Variants in ANKRD31 observed in about 807,000 individuals in gnomAD.
The protein encoded by ANKRD31 is ankyrin repeat domain 31, also known as ankyrin repeat domain-containing protein 31.
A neutral mutation model predicts 186.0 loss-of-function variants in ANKRD31; 147 were observed. That is an observed-to-expected ratio of 0.79 (90% CI 0.69 to 0.91). The LOEUF is 0.91. ANKRD31 is among the 40% of genes least tolerant of loss of function. The probability of loss-of-function intolerance (pLI) is 0.00; values close to 1 mark genes in which losing one functional copy is unlikely to be tolerated. For synonymous variants in ANKRD31, 673 were observed against 736.4 expected, an observed-to-expected ratio of 0.91 and a Z score of 1.39; for missense variants, 1,986 against 2,148.8, an observed-to-expected ratio of 0.92 and a Z score of 1.50.
chr5:75,224,768 A>C (rs1455616362), intron 2 of ANKRD31, among the ~76,000 whole-genome samples: 5 of 152,186 alleles, frequency 3.3e-5, no homozygotes, highest in Non-Finnish European at 7.4e-5. Context: ...AAGAAACCCT[A>C]AAAGAGAAGA....
chr5:75,210,236 T>A, intron 4 of ANKRD31, among the ~76,000 whole-genome samples: 1 of 152,164 alleles, frequency 6.6e-6, no homozygotes. Flanking sequence ...TGCAGTGGCA[T>A]GATCTCAGCT....
intron 12 of ANKRD31, 47 bp from the exon 13 acceptor site, chr5:75,148,675 G>A (rs1257373899): frequency 2.8e-6 from 4 of 1,421,020 alleles, no homozygotes; most frequent in Non-Finnish European, 3.8e-6. Context: ...CTAGTGTTTA[G>A]ACTTTAGACT....
Position 75,091,346 on chromosome 5 carries a change from C to A in ANKRD31, c.5387G>T (p.Gly1796Val). ...GGTGACTGGGTTTTTATAAATCTGA[C>A]CACTTTCTACCTTAAGTTTACCATT... is the stretch of plus-strand genomic sequence containing the variant. ...LLNGKLKVES[G>V]QIYKNPVTWL... Residue 1796 changes from glycine (G) to valine (V), a missense_variant, in exon 23 of 26, where the codon GGT becomes GTT. Gly to Val is a moderately radical substitution (Grantham distance 109). Coordinates refer to ENST00000506364, the MANE Select transcript of ANKRD31 (RefSeq NM_001372053.1). The A allele has an allele frequency of 2.0e-6, 3 of 1,537,046 alleles. No homozygotes were observed. Among genetic ancestry groups the A allele is most frequent in the Non-Finnish European group, 2.6e-6 (3 of 1,146,842 alleles).
Position 75,196,146 on chromosome 5 carries a change from T to C in ANKRD31, c.502A>G (p.Ile168Val), listed in dbSNP as rs1324666087. ...ACAGCAACTGTATCAGATACTGTAA[T>C]AGCAGTGCCTGAGAGAAGGCTAACT... ...PEVSLLSGTA[I>V]TVSDTVAVKE... Residue 168 changes from isoleucine (I) to valine (V), a missense_variant, in exon 7 of 26, where the codon ATT becomes GTT. Transcript: ENST00000506364. 13 of 1,517,576 alleles carry C rather than the reference T, an allele frequency of 8.6e-6. 1 individual carries two copies. The South Asian group carries it at 1.0e-4, about 12-fold the overall frequency. 94.0% of individuals were successfully genotyped at this position (1,517,576 alleles called of 1,614,324 possible). A position where few individuals can be genotyped will look rare whatever the true frequency, so the allele number is the denominator to read the frequency against.
rs1287684021 is a variant in ANKRD31 at position 75,196,088 on chromosome 5, A to G, written c.560T>C (p.Ile187Thr). Residue 187 changes from isoleucine (I) to threonine (T), a missense_variant, in exon 7 of 26, where the codon ATT becomes ACT. Transcript: ENST00000506364. ...AAAAAATGTATTTGGTGCTGCTAAA[A>G]TCTTCTCTGGCTCTACTAATGATGT... Reference protein sequence around the residue: ...KETSLVEPEKILAAPNTFFEP... With the variant: ...KETSLVEPEKTLAAPNTFFEP... 4 of 1,536,824 alleles carry G rather than the reference A, an allele frequency of 2.6e-6. No individual in the cohort carries two copies. Among genetic ancestry groups the G allele is most frequent in the Non-Finnish European group, 3.5e-6 (4 of 1,146,716 alleles).
intron 14 of ANKRD31, among the ~76,000 whole-genome samples, chr5:75,144,901 CAAAT>C (rs1390539072): frequency 1.3e-5 from 2 of 152,068 alleles, no homozygotes; most frequent in South Asian, 2.1e-4. Flanking sequence ...AAGAAAAAAA[CAAAT>C]AACCCCATCA....
In ANKRD31 at chr5:75,104,575, T is replaced by C. The variant is rs78756596; in HGVS notation, c.4984A>G (p.Ile1662Val). 1.8e-3 allele frequency: 2,785 copies of C among 1,536,164 alleles called. 71 individuals carry two copies. In the East Asian group the frequency reaches 0.058, roughly 32 times the overall value. The change falls in exon 22 of 26, where the codon ATT becomes GTT. Residue 1662 changes from isoleucine (I) to valine (V), a missense_variant. Physicochemically the swap from Ile to Val is conservative, Grantham distance 29 (BLOSUM62 3). Coordinates refer to ENST00000506364, the MANE Select transcript of ANKRD31 (RefSeq NM_001372053.1). ...TAATTGGAAAGGTCCTGATCACAAATAATATTTGATGGATGGGCAGCATTT... is the reference window on the plus strand; with the variant it reads ...TAATTGGAAAGGTCCTGATCACAAACAATATTTGATGGATGGGCAGCATTT... ...AENAAHPSNI[I>V]CDQDLSNYDP...
intron 17 of ANKRD31, among the ~76,000 whole-genome samples, chr5:75,122,709 A>G (rs963804851): frequency 6.6e-6 from 1 of 152,190 alleles, no homozygotes; most frequent in Non-Finnish European, 1.5e-5. Flanking sequence ...GATGTGGAAA[A>G]AGCATTTGAT....
At chr5:75,163,639 G>A (rs530291665) in intron 11 of ANKRD31, among the ~76,000 whole-genome samples, 14 of 152,068 alleles carry the variant, frequency 9.2e-5, no homozygotes, top group Non-Finnish European at 1.6e-4. Flanking sequence ...CTGATTTTTC[G>A]GTTAGGGATG....
chr5:75,073,298 TAAAA>T (rs58075823), intron 25 of ANKRD31, among the ~76,000 whole-genome samples: 2 of 140,724 alleles, frequency 1.4e-5, no homozygotes, highest in African/African-American at 5.2e-5. Flanking sequence ...CTCCATCTCT[TAAAA>T]AAAAAAAAAA....
chr5:75,101,805 T>A (rs1308978471), intron 22 of ANKRD31, among the ~76,000 whole-genome samples: 1 of 152,174 alleles, frequency 6.6e-6, no homozygotes, highest in Non-Finnish European at 1.5e-5. Flanking sequence ...CTCCACACTG[T>A]TTATTCTAGT....
chr5:75,105,232 C>T lies in ANKRD31; in HGVS notation c.4341-14G>A. Reference sequence around the variant, plus strand: ...TCTATGGATACCCTATAGGAAGAAACAGAAAGAGAAAAAATGCAATAACAG... The same window carrying T: ...TCTATGGATACCCTATAGGAAGAAATAGAAAGAGAAAAAATGCAATAACAG... On this transcript the variant is annotated splice_polypyrimidine_tract_variant and intron_variant, in intron 21 of 25. Transcript: ENST00000506364. The T allele has an allele frequency of 6.9e-7, 1 of 1,454,818 alleles. No homozygotes were observed. The allele number at this position is 1,454,818 out of a possible 1,614,324, so 90.1% of individuals were successfully genotyped here. A position where few individuals can be genotyped will look rare whatever the true frequency, so the allele number is the denominator to read the frequency against.
At chr5:75,136,961 C>T (rs1750632789) in intron 17 of ANKRD31, among the ~76,000 whole-genome samples, 1 of 150,742 alleles carries the variant, frequency 6.6e-6, no homozygotes, top group African/African-American at 2.4e-5. Flanking sequence ...GGGAACTGAT[C>T]AATGAGAACA....
intron 17 of ANKRD31, among the ~76,000 whole-genome samples, chr5:75,133,746 AT>A (rs879620267): frequency 1.3e-5 from 2 of 152,206 alleles, no homozygotes; most frequent in Non-Finnish European, 2.9e-5. Context: ...CTATTCCAAA[AT>A]TGACCACATA....
chr5:75,169,659 C>T (rs1337325171), intron 10 of ANKRD31, among the ~76,000 whole-genome samples: 2 of 152,014 alleles, frequency 1.3e-5, no homozygotes, highest in African/African-American at 4.8e-5. Context: ...CTTTGTTGGC[C>T]AAGGACAATG....
At chr5:75,200,473 T>G (rs555722744) in intron 5 of ANKRD31, among the ~76,000 whole-genome samples, 14 of 151,674 alleles carry the variant, frequency 9.2e-5, no homozygotes, top group Admixed American at 2.0e-4. Flanking sequence ...AATTTTTGTA[T>G]TTTTAGTAGA....
chr5:75,202,404 T>C (rs917352165), intron 5 of ANKRD31, among the ~76,000 whole-genome samples: 1 of 152,242 alleles, frequency 6.6e-6, no homozygotes, highest in Admixed American at 6.5e-5. Flanking sequence ...TACAAATACA[T>C]AAAGAATTCT....
intron 17 of ANKRD31, among the ~76,000 whole-genome samples, chr5:75,118,998 T>C (rs1748533033): frequency 6.8e-6 from 1 of 146,348 alleles, no homozygotes; most frequent in Non-Finnish European, 1.5e-5. Context: ...TTTTATGTAC[T>C]CTACTTGTTC....
chr5:75,207,879 A>C (rs6889760), intron 4 of ANKRD31, among the ~76,000 whole-genome samples: 77,104 of 151,776 alleles, frequency 0.51, 22,642 homozygotes, highest in African/African-American at 0.82. Flanking sequence ...ACAACAATAG[A>C]AGTTTTCAAA....
Sources: gnomAD v4.1 joint callset for allele counts (sites outside exome capture counted in the v4.1 genomes callset) on GRCh38, gnomAD v4.1.1 for gene constraint, MANE v1.5 for transcripts, NCBI Gene and HGNC (gene_info 2026-07-23, HGNC 2026-07-21) for gene names.